The following DNHD1 variants were observed in gnomAD, a reference collection of about 807,000 sequenced individuals.
The protein encoded by DNHD1 is dynein heavy chain domain 1.
A neutral mutation model predicts 458.1 loss-of-function variants in DNHD1; 383 were observed. That is an observed-to-expected ratio of 0.84 (90% CI 0.77 to 0.91). DNHD1 has a LOEUF of 0.91. DNHD1 is among the 40% of genes least tolerant of loss of function. The pLI is 0.00. For missense variants in DNHD1, 5,336 were observed against 5,866.1 expected (o/e 0.91, Z 2.95); for synonymous variants, 2,203 against 2,376.9 (o/e 0.93, Z 2.13).
Position 6,545,114 on chromosome 11 carries a change from A to C in DNHD1, c.4175A>C (p.His1392Pro), listed in dbSNP as rs115918642. 8 of 1,552,034 alleles carry C rather than the reference A, an allele frequency of 5.2e-6. No homozygotes were observed. The highest frequency in any genetic ancestry group is 1.7e-4 in the Middle Eastern group (1 of 6,020). Residue 1392 changes from histidine to proline, a missense_variant, in exon 21 of 43, where the codon CAT becomes CCT. Physicochemically the swap from His to Pro is moderately conservative, Grantham distance 77. Coordinates refer to ENST00000254579, the MANE Select transcript of DNHD1 (RefSeq NM_144666.3). The surrounding 1 kb of genome is among the most constrained non-coding windows in gnomAD (Gnocchi z 4.9). ...LWVRRCFPHV[H>P]AVSFRSCPTG... ...GTACGACGCTGCTTTCCTCATGTGC[A>C]TGCTGTGAGCTTCAGGTCTTGCCCA... is the stretch of plus-strand genomic sequence containing the variant.
Position 6,558,092 on chromosome 11 carries a change from C to G in DNHD1, c.8797C>G (p.His2933Asp). The change falls in exon 25 of 43, where the codon CAT (histidine) becomes GAT (aspartate). Residue 2933 changes from histidine to aspartate, a missense_variant. Coordinates refer to ENST00000254579, the MANE Select transcript of DNHD1 (RefSeq NM_144666.3). ...ILQCLRDASW[H>D]AGMLSQPVAL... ...CCAATGTCTACGAGATGCCAGCTGG[C>G]ATGCTGGCATGTTAAGCCAGCCAGT... The G allele has an allele frequency of 6.4e-7, 1 of 1,551,696 alleles. No individual in the cohort carries two copies. The highest frequency in any genetic ancestry group is 8.7e-7 in the Non-Finnish European group (1 of 1,146,978).
chr11:6,568,324 T>C (rs1853757598), intron 37 of DNHD1, 82 bp downstream of exon 37: 1 of 1,542,750 alleles, frequency 6.5e-7, no homozygotes, highest in East Asian at 2.3e-5. Flanking sequence ...TCATGGCCAG[T>C]GACCTAGCAC....
Position 6,557,161 on chromosome 11 carries a change from C to T in DNHD1, c.7866C>T (p.His2622=), listed in dbSNP as rs1418715477. 9 of 1,551,628 alleles carry T rather than the reference C, an allele frequency of 5.8e-6. No homozygotes were observed. The highest frequency in any genetic ancestry group is 1.7e-4 in the Middle Eastern group (1 of 6,014). Residue 2622 remains histidine, a synonymous_variant, in exon 25 of 43, where the codon CAC becomes CAT. Transcript: ENST00000254579. ...TGGACTATCCCAACCACCAGGAGCA[C>T]TTGCGCCGGGTGTCAGGCCTGCGAG... is the stretch of plus-strand genomic sequence containing the variant. ...GFVDYPNHQE[H]LRRVSGLRGT...
At position 6,547,843 on chromosome 11, in the gene DNHD1, G is replaced by A; in HGVS notation, c.6728-20G>A. ...CTTTTTCTACTGGGGCTCCTCTCGT[G>A]GCCATGGCAACTTTCACAGAGGACC... On this transcript the variant is annotated intron_variant, in intron 21 of 42. Transcript: ENST00000254579. 6.4e-7 allele frequency: 1 copy of A among 1,551,096 alleles called. No individual in the cohort carries two copies. The highest frequency in any genetic ancestry group is 8.7e-7 in the Non-Finnish European group (1 of 1,146,788).
chr11:6,543,549 A>C (rs1485355814), intron 18 of DNHD1, among the ~76,000 whole-genome samples: 2 of 152,178 alleles, frequency 1.3e-5, no homozygotes, highest in East Asian at 3.9e-4. Context: ...TAGTCAGGGA[A>C]ATTAGCTGGC....
At chr11:6,536,644 C>A (rs1000612814) in intron 14 of DNHD1, among the ~76,000 whole-genome samples, 1 of 152,006 alleles carries the variant, frequency 6.6e-6, no homozygotes, top group African/African-American at 2.4e-5. Context: ...CTACTTTTTC[C>A]TACAACTTTG....
At chr11:6,561,635 C>T (rs1325480478) in intron 28 of DNHD1, among the ~76,000 whole-genome samples, 4 of 152,252 alleles carry the variant, frequency 2.6e-5, no homozygotes, top group South Asian at 2.1e-4. Context: ...CAGAGTGCCC[C>T]GCTGTGCAGC....
At position 6,557,324 on chromosome 11, in the gene DNHD1, CAA is replaced by C. The variant is rs1404275234; in HGVS notation, c.8031_8032del (p.Ser2678CysfsTer19). The C allele has an allele frequency of 6.4e-7, 1 of 1,551,594 alleles. No homozygotes were observed. The highest frequency in any genetic ancestry group is 8.7e-7 in the Non-Finnish European group (1 of 1,147,016). On this transcript the variant is annotated frameshift_variant, in exon 25 of 43. Coordinates refer to ENST00000254579, the MANE Select transcript of DNHD1 (RefSeq NM_144666.3). LOFTEE classifies it high-confidence loss of function. ...TGCCAAGCTGCTCCTAGTAGTAGCT[CAA>C]AGTGTCTTCTGCTGTGGGCCAGGGC... is the stretch of plus-strand genomic sequence containing the variant. ...YCAKLLLVVA[Q>X]SVFCCGPGPQ...
chr11:6,510,447 T>C (rs949568280), intron 6 of DNHD1, among the ~76,000 whole-genome samples: 1 of 152,190 alleles, frequency 6.6e-6, no homozygotes, highest in African/African-American at 2.4e-5. Context: ...TGAAAAACTT[T>C]TCCATCTGAA....
In DNHD1 at chr11:6,563,992, G is replaced by GT; in HGVS notation, c.10152_10153insT (p.Val3385CysfsTer87). 1.3e-6 allele frequency: 2 copies of GT among 1,551,736 alleles called. No homozygotes were observed. Among genetic ancestry groups the GT allele is most frequent in the Non-Finnish European group, 1.7e-6 (2 of 1,147,006 alleles). The stretch of plus-strand genomic sequence containing the variant: ...AGCATAATTTGGCCCTGGCTAAGAT[G>GT]GTGGAGGATGCCCAAGCTTCCCACA... On this transcript the variant is annotated frameshift_variant, in exon 31 of 43. Transcript: ENST00000254579. LOFTEE classifies it high-confidence loss of function.
chr11:6,532,655 C>T (rs1564811092), intron 12 of DNHD1, among the ~76,000 whole-genome samples: 1 of 152,242 alleles, frequency 6.6e-6, no homozygotes, highest in East Asian at 1.9e-4. Flanking sequence ...GGGGCCTTGC[C>T]CAGCCTTCTC....
intron 4 of DNHD1, 61 bp from the exon 5 acceptor site, chr11:6,508,819 G>T: frequency 6.5e-7 from 1 of 1,531,000 alleles, no homozygotes; most frequent in Non-Finnish European, 9.0e-7. Context: ...ATCCTCCTTT[G>T]GTCTCTTAAA....
Position 6,566,633 on chromosome 11 carries a change from C to T in DNHD1, c.11253C>T (p.Gly3751=), listed in dbSNP as rs772202574. 3.9e-5 allele frequency: 63 copies of T among 1,613,700 alleles called. No homozygotes were observed. The highest frequency in any genetic ancestry group is 5.3e-5 in the Non-Finnish European group (62 of 1,179,848). Residue 3751 remains glycine, a synonymous_variant, in exon 35 of 43, where the codon GGC becomes GGT. Coordinates refer to ENST00000254579, the MANE Select transcript of DNHD1 (RefSeq NM_144666.3). ...LLKGLNVLDL[G]LNMEILEEQM... ...AGGGGCTGAATGTGTTGGATCTGGG[C>T]CTGAACATGGAAATACTGGAAGAAC...
chr11:6,550,551 T>C (rs906661370), intron 24 of DNHD1, among the ~76,000 whole-genome samples: 1 of 152,014 alleles, frequency 6.6e-6, no homozygotes, highest in African/African-American at 2.4e-5. Flanking sequence ...CAGAAAATAA[T>C]GTGACCTGCT....
Position 6,547,332 on chromosome 11 carries a change from A to G in DNHD1, c.6393A>G (p.Thr2131=), listed in dbSNP as rs1853243869. ...TTCTCTTGATGGAGGTGGCTGACAC[A>G]ACAGGCATATCCCCCACAGTGGTAG... is the stretch of plus-strand genomic sequence containing the variant. ...GTFLLMEVAD[T]TGISPTVVGC... is the part of the protein sequence containing the mutation. The change falls in exon 21 of 43, where the codon ACA becomes ACG. Residue 2131 remains threonine, a synonymous_variant. Transcript: ENST00000254579. The G allele has an allele frequency of 1.9e-6, 3 of 1,551,760 alleles. No homozygotes were observed. Among genetic ancestry groups the G allele is most frequent in the Non-Finnish European group, 2.6e-6 (3 of 1,146,998 alleles).
rs974297070 is a variant in DNHD1, at chr11:6,566,263, T to C, written c.11076T>C (p.Asn3692=). 1.3e-6 allele frequency: 2 copies of C among 1,551,682 alleles called. No individual in the cohort carries two copies. Among genetic ancestry groups the C allele is most frequent in the East Asian group, 2.4e-5 (1 of 40,906 alleles). The change falls in exon 34 of 43, where the codon AAT becomes AAC. Residue 3692 remains asparagine, a synonymous_variant. Transcript: ENST00000254579. ...CAGGCCTGCCTGTGTTACTGACCAA[T>C]GTGGAGCTGGGTCTAGGGTGCGAAG... ...AACGLPVLLT[N]VELGLGCEEL...
rs372581823 is a variant in DNHD1 at position 6,525,085 on chromosome 11, C to T, written c.1838-3437C>T. On this transcript the variant is annotated intron_variant, in intron 10 of 42. Transcript: ENST00000254579. ...TTCATTTTTTTTGTTTTTTCATTCT[C>T]AGGCTTGTTGCCTCATAGTTGCAAG... Among the ~76,000 whole-genome samples the T allele has an allele frequency of 2.6e-5, 4 of 152,242 alleles. No homozygotes were observed. In the South Asian group the frequency reaches 8.3e-4, roughly 32 times the overall value.
At chr11:6,525,945 AT>A (rs1653411102) in intron 10 of DNHD1, among the ~76,000 whole-genome samples, 1 of 152,004 alleles carries the variant, frequency 6.6e-6, no homozygotes, top group African/African-American at 2.4e-5. Flanking sequence ...ATTGTCAGGT[AT>A]GTTCTTTCAA....
At chr11:6,540,549 AG>A (rs1162413848) in intron 18 of DNHD1, among the ~76,000 whole-genome samples, 5 of 152,344 alleles carry the variant, frequency 3.3e-5, no homozygotes, top group African/African-American at 1.2e-4. Context: ...GAGTCCAGTG[AG>A]GAGAGACAGA....
Sources: allele counts gnomAD v4.1 joint callset (sites outside exome capture counted in the v4.1 genomes callset), GRCh38; gene constraint gnomAD v4.1.1; non-coding constraint Gnocchi (gnomAD v3.1); transcripts MANE v1.5; gene names NCBI Gene and HGNC (gene_info 2026-07-23, HGNC 2026-07-21).